The following SPOCK1 variants were observed in gnomAD, a reference collection of about 807,000 sequenced individuals.
SPOCK1 encodes the protein SPARC (osteonectin), cwcv and kazal like domains proteoglycan 1.
Under a neutral mutation model 55.3 loss-of-function variants are expected in SPOCK1, and 23 were observed. The ratio of observed to expected loss-of-function variants is 0.42; its 90% CI spans 0.30 to 0.59. SPOCK1 has a LOEUF of 0.59. Ranked by LOEUF, SPOCK1 falls within the 20% of genes least tolerant of loss-of-function variation. SPOCK1 has a pLI of 0.22. For missense variants in SPOCK1, 499 were observed against 552.5 expected (o/e 0.90, Z 0.97); for synonymous variants, 226 against 221.0 (o/e 1.02, Z -0.20).
chr5:137,193,558 T>C (rs529663662), intron 3 of SPOCK1, among the ~76,000 whole-genome samples: 1 of 152,132 alleles, frequency 6.6e-6, no homozygotes, highest in Non-Finnish European at 1.5e-5. Flanking sequence ...CACAGACTCA[T>C]AATGGGCAGT....
chr5:137,014,827 T>C (rs899663529), intron 6 of SPOCK1, among the ~76,000 whole-genome samples: 1 of 152,192 alleles, frequency 6.6e-6, no homozygotes, highest in African/African-American at 2.4e-5. Flanking sequence ...TGTGTAATGA[T>C]GTGAAAACCG....
intron 3 of SPOCK1, among the ~76,000 whole-genome samples, chr5:137,206,867 G>A (rs1755528647): frequency 6.6e-6 from 1 of 152,136 alleles, no homozygotes; most frequent in Admixed American, 6.5e-5. Context: ...CCATTTTACA[G>A]TCAAGGAAAC....
chr5:137,424,498 A>G (rs1194010765), intron 2 of SPOCK1, among the ~76,000 whole-genome samples: 2 of 152,190 alleles, frequency 1.3e-5, no homozygotes, highest in Admixed American at 1.3e-4. Context: ...TACTTACCCA[A>G]CAGAAGTTAA....
intron 3 of SPOCK1, among the ~76,000 whole-genome samples, chr5:137,250,169 AT>A (rs1413718615): frequency 6.6e-6 from 1 of 152,204 alleles, no homozygotes; most frequent in East Asian, 1.9e-4. Flanking sequence ...TTTTATTAAA[AT>A]GCAGCCACAC....
chr5:137,080,344 G>A (rs1752859648), intron 5 of SPOCK1, among the ~76,000 whole-genome samples: 1 of 152,182 alleles, frequency 6.6e-6, no homozygotes, highest in South Asian at 2.1e-4. Context: ...AAGTCAAAAT[G>A]TTTTCTGATG....
At chr5:137,201,112 G>A (rs899992754) in intron 3 of SPOCK1, among the ~76,000 whole-genome samples, 1 of 152,174 alleles carries the variant, frequency 6.6e-6, no homozygotes, top group Non-Finnish European at 1.5e-5. Flanking sequence ...TCCCAGGAAG[G>A]GAAAGGCATC....
intron 3 of SPOCK1, among the ~76,000 whole-genome samples, chr5:137,245,867 CCTGT>C (rs1756386125): frequency 6.6e-6 from 1 of 151,972 alleles, no homozygotes; most frequent in Non-Finnish European, 1.5e-5. Context: ...GTATATACTG[CCTGT>C]CTATTAACAT....
intron 2 of SPOCK1, among the ~76,000 whole-genome samples, chr5:137,460,037 A>G (rs1753447570): frequency 1.3e-5 from 2 of 152,252 alleles, no homozygotes; most frequent in African/African-American, 4.8e-5. Context: ...AGTATGAGCG[A>G]GAAGGATGGG....
At chr5:137,210,475 C>T (rs891937369) in intron 3 of SPOCK1, among the ~76,000 whole-genome samples, 4 of 152,150 alleles carry the variant, frequency 2.6e-5, no homozygotes, top group Non-Finnish European at 5.9e-5. Flanking sequence ...TTAGAATAAT[C>T]GGTTTTATTT....
At chr5:137,476,736 C>A (rs1561545813) in intron 2 of SPOCK1, among the ~76,000 whole-genome samples, 1 of 152,098 alleles carries the variant, frequency 6.6e-6, no homozygotes, top group Non-Finnish European at 1.5e-5. Context: ...ACCAGCCTGG[C>A]CAATATGGTG....
chr5:137,386,958 C>A (rs1751610909), intron 2 of SPOCK1, among the ~76,000 whole-genome samples: 1 of 152,046 alleles, frequency 6.6e-6, no homozygotes, highest in Non-Finnish European at 1.5e-5. Flanking sequence ...TAAAACTCAA[C>A]AATAAGAAAA....
chr5:137,033,341 C>T (rs984904729), intron 6 of SPOCK1, among the ~76,000 whole-genome samples: 4 of 152,204 alleles, frequency 2.6e-5, no homozygotes, highest in African/African-American at 7.2e-5. Flanking sequence ...TACGTGCCTT[C>T]GAATTTGCAT....
chr5:137,058,531 A>T (rs1192040084), intron 6 of SPOCK1, among the ~76,000 whole-genome samples: 2 of 152,248 alleles, frequency 1.3e-5, no homozygotes, highest in Non-Finnish European at 1.5e-5. Flanking sequence ...AATGAAGTAG[A>T]TTCATTTGAC....
At chr5:137,241,883 T>C (rs1756289841) in intron 3 of SPOCK1, among the ~76,000 whole-genome samples, 1 of 152,200 alleles carries the variant, frequency 6.6e-6, no homozygotes, top group Admixed American at 6.5e-5. Flanking sequence ...AAATTAAGAA[T>C]GCATACATCT....
intron 3 of SPOCK1, among the ~76,000 whole-genome samples, chr5:137,246,818 G>A (rs1046786292): frequency 2.7e-5 from 4 of 149,378 alleles, no homozygotes; most frequent in Non-Finnish European, 1.5e-5. Context: ...CCCAAAACAA[G>A]CTGAAAATCA....
chr5:137,175,237 A>C (rs1704353428), intron 3 of SPOCK1, among the ~76,000 whole-genome samples: 1 of 152,160 alleles, frequency 6.6e-6, no homozygotes, highest in Non-Finnish European at 1.5e-5. Context: ...GTAGTACAAG[A>C]CATGTAGAAA....
chr5:137,232,859 T>C (rs1385445530), intron 3 of SPOCK1, among the ~76,000 whole-genome samples: 1 of 152,244 alleles, frequency 6.6e-6, no homozygotes, highest in Non-Finnish European at 1.5e-5. Flanking sequence ...TTGATTTCTA[T>C]CATCAGTGTT....
chr5:137,138,076 T>C (rs1561623376), intron 4 of SPOCK1, among the ~76,000 whole-genome samples: 1 of 152,134 alleles, frequency 6.6e-6, no homozygotes. Context: ...AAAAGAGGAA[T>C]GGTAGAAGCA....
chr5:137,106,790 A>G (rs1482463332), intron 5 of SPOCK1, among the ~76,000 whole-genome samples: 1 of 152,140 alleles, frequency 6.6e-6, no homozygotes, highest in African/African-American at 2.4e-5. Flanking sequence ...CTTCAGGCAA[A>G]GTCCAAACCC....
Sources: gnomAD v4.1 joint callset for allele counts (sites outside exome capture counted in the v4.1 genomes callset) on GRCh38, gnomAD v4.1.1 for gene constraint, MANE v1.5 for transcripts, NCBI Gene and HGNC (gene_info 2026-07-23, HGNC 2026-07-21) for gene names.